The following ITPR2 variants were observed in gnomAD, a reference collection of about 807,000 sequenced individuals.
ITPR2 encodes inositol 1,4,5-trisphosphate receptor type 2.
Under a neutral mutation model 317.1 loss-of-function variants are expected in ITPR2, and 207 were observed. The observed-to-expected ratio is 0.65, with a 90% CI of 0.58 to 0.73. The LOEUF is 0.73. ITPR2 is among the 30% of genes least tolerant of loss of function. The pLI, the probability that ITPR2 is intolerant of heterozygous loss-of-function variation, is 0.00. For missense variants in ITPR2, 2,613 were observed against 3,284.0 expected, an observed-to-expected ratio of 0.80 and a Z score of 4.99; for synonymous variants, 1,156 against 1,149.1, an observed-to-expected ratio of 1.01 and a Z score of -0.12.
chr12:26,677,062 T>C (rs1402816414), intron 13 of ITPR2, among the ~76,000 whole-genome samples: 1 of 151,142 alleles, frequency 6.6e-6, no homozygotes, highest in Non-Finnish European at 1.5e-5. Context: ...GAAGAATATA[T>C]GGTCAAAATG....
intron 45 of ITPR2, among the ~76,000 whole-genome samples, chr12:26,474,370 G>A (rs1463947064): frequency 6.6e-6 from 1 of 152,174 alleles, no homozygotes; most frequent in Non-Finnish European, 1.5e-5. Context: ...CATTTAAAAT[G>A]TTTAACTTCT....
chr12:26,519,593 A>C lies in ITPR2; in HGVS notation c.5074-24333T>G, dbSNP rs182658090. Among the ~76,000 whole-genome samples the C allele has an allele frequency of 8.5e-5, 13 of 152,348 alleles. No homozygotes were observed. In the South Asian group the frequency reaches 2.7e-3, roughly 32 times the overall value. ...GAGAAATATTAAAGGCATTCTCAAT[A>C]AGGCCGGATAGAGACAAAGATGTTC... On this transcript the variant is annotated intron_variant, in intron 37 of 56. Coordinates refer to ENST00000381340, the MANE Select transcript of ITPR2 (RefSeq NM_002223.4).
chr12:26,478,931 G>A (rs1942479642), intron 43 of ITPR2, among the ~76,000 whole-genome samples: 1 of 151,806 alleles, frequency 6.6e-6, no homozygotes, highest in Non-Finnish European at 1.5e-5. Flanking sequence ...ATTAAATTCA[G>A]GAATGAATGA....
rs150378142 is a variant in ITPR2 at position 26,813,939 on chromosome 12, C to T, written c.92+18751G>A. 3.9e-5 allele frequency among the ~76,000 whole-genome samples: 6 copies of T among 152,284 alleles called. No individual in the cohort carries two copies. The East Asian group carries it at 1.2e-3, about 29-fold the overall frequency. Reference sequence around the variant, plus strand: ...CCACAGTGTACATGTGTTGTCTCCGCCTATCCATCATCCACTGTCCTTCCT... The same window carrying T: ...CCACAGTGTACATGTGTTGTCTCCGTCTATCCATCATCCACTGTCCTTCCT... On this transcript the variant is annotated intron_variant, in intron 1 of 56. Transcript: ENST00000381340.
chr12:26,627,997 A>G, intron 23 of ITPR2, 36 bp downstream of exon 23: 1 of 1,544,150 alleles, frequency 6.5e-7, no homozygotes, highest in African/African-American at 1.4e-5. Flanking sequence ...TCAGAAAAAT[A>G]AAATAAAAAG....
At chr12:26,603,340 G>C (rs1266428203) in intron 26 of ITPR2, among the ~76,000 whole-genome samples, 1 of 152,140 alleles carries the variant, frequency 6.6e-6, no homozygotes, top group East Asian at 1.9e-4. Flanking sequence ...AAACACCAAA[G>C]ATACTTAATT....
At chr12:26,682,454 C>A in intron 12 of ITPR2, 120 bp downstream of exon 12, 1 of 661,642 alleles carries the variant, frequency 1.5e-6, no homozygotes, top group Non-Finnish European at 2.6e-6. Context: ...AAATTAATTG[C>A]AATGATCTGT....
At chr12:26,570,897 G>A (rs1185935809) in intron 34 of ITPR2, among the ~76,000 whole-genome samples, 1 of 152,146 alleles carries the variant, frequency 6.6e-6, no homozygotes, top group Non-Finnish European at 1.5e-5. Context: ...GAACACCATG[G>A]TGTACATTTA....
At chr12:26,611,526 C>T (rs986141470) in intron 26 of ITPR2, among the ~76,000 whole-genome samples, 2 of 151,758 alleles carry the variant, frequency 1.3e-5, no homozygotes, top group Non-Finnish European at 2.9e-5. Context: ...AAAGGGCCAC[C>T]GTACTCCAGC....
intron 42 of ITPR2, among the ~76,000 whole-genome samples, chr12:26,482,804 T>C (rs1368743798): frequency 6.6e-6 from 1 of 152,246 alleles, no homozygotes; most frequent in Non-Finnish European, 1.5e-5. Context: ...CGTGTGTATG[T>C]GTGCGTATCT....
intron 54 of ITPR2, among the ~76,000 whole-genome samples, chr12:26,388,840 G>C (rs1044717047): frequency 1.3e-5 from 2 of 152,108 alleles, no homozygotes; most frequent in Non-Finnish European, 2.9e-5. Context: ...CCTATAATCA[G>C]CTCAGCATGC....
intron 55 of ITPR2, among the ~76,000 whole-genome samples, chr12:26,383,918 T>G (rs1362126292): frequency 7.1e-6 from 1 of 141,048 alleles, no homozygotes; most frequent in Non-Finnish European, 1.6e-5. Flanking sequence ...TGAACTAATA[T>G]GAGGAAGGAC....
chr12:26,797,819 G>T (rs1260642738), intron 1 of ITPR2, among the ~76,000 whole-genome samples: 1 of 149,786 alleles, frequency 6.7e-6, no homozygotes, highest in African/African-American at 2.5e-5. Flanking sequence ...AGCCTCCCGA[G>T]TAGCTGGGAT....
intron 2 of ITPR2, among the ~76,000 whole-genome samples, chr12:26,782,858 T>C (rs1950121054): frequency 1.3e-5 from 2 of 152,196 alleles, no homozygotes; most frequent in African/African-American, 4.8e-5. Context: ...ACACCAAACC[T>C]GAAGAAATTC....
At chr12:26,567,684 C>T (rs115867867) in intron 34 of ITPR2, among the ~76,000 whole-genome samples, 9,069 of 151,268 alleles carry the variant, frequency 0.06, 325 homozygotes, top group Middle Eastern at 0.11. Context: ...AAGATATGGT[C>T]GGAAATAAAT....
intron 13 of ITPR2, among the ~76,000 whole-genome samples, chr12:26,676,272 T>A (rs939401727): frequency 1.3e-5 from 2 of 151,710 alleles, no homozygotes; most frequent in Non-Finnish European, 2.9e-5. Context: ...AGGTCGGGAG[T>A]TCGAGACCAT....
At chr12:26,532,808 CCT>C (rs1273553100) in intron 37 of ITPR2, among the ~76,000 whole-genome samples, 1 of 151,966 alleles carries the variant, frequency 6.6e-6, no homozygotes, top group Non-Finnish European at 1.5e-5. Context: ...ATCTCAGCCC[CCT>C]GAGTAGCCAG....
intron 26 of ITPR2, among the ~76,000 whole-genome samples, chr12:26,615,168 T>A (rs1378025635): frequency 2.0e-5 from 3 of 152,116 alleles, no homozygotes; most frequent in African/African-American, 7.2e-5. Context: ...ATCAAAAATA[T>A]AATGAAACAC....
At chr12:26,355,523 C>A (rs1412320592) in intron 55 of ITPR2, among the ~76,000 whole-genome samples, 1 of 152,182 alleles carries the variant, frequency 6.6e-6, no homozygotes, top group Non-Finnish European at 1.5e-5. Flanking sequence ...ATATTATCTA[C>A]TGGGAAGTCA....
Sources: gnomAD v4.1 joint callset for allele counts (sites outside exome capture counted in the v4.1 genomes callset) on GRCh38, gnomAD v4.1.1 for gene constraint, MANE v1.5 for transcripts, NCBI Gene and HGNC (gene_info 2026-07-23, HGNC 2026-07-21) for gene names.